Variants in SKIDA1 observed in about 807,000 individuals in gnomAD.
The protein encoded by SKIDA1 is SKI/DACH domain containing 1, also known as SKI/DACH domain-containing protein 1.
SKIDA1 carries 18 observed loss-of-function variants against 51.4 expected under a neutral mutation model. The observed-to-expected ratio is 0.35, with a 90% CI of 0.24 to 0.52. SKIDA1 has a LOEUF of 0.52. Among genes scored for constraint, SKIDA1 ranks in the 20% least tolerant of loss-of-function variants. The pLI is 0.95. For missense variants in SKIDA1, 1,104 were observed against 1,180.6 expected, an observed-to-expected ratio of 0.94 and a Z score of 0.95; for synonymous variants, 579 against 500.5, an observed-to-expected ratio of 1.16 and a Z score of -2.09.
At chr10:21,522,267 C>CCT (rs1252089516) in intron 2 of SKIDA1, among the ~76,000 whole-genome samples, 1 of 6,670 alleles carries the variant, frequency 1.5e-4, no homozygotes, top group African/African-American at 6.9e-4. Flanking sequence ...ATCACAGCCA[C>CCT]CCCCCCCCCC....
rs770245459 is a variant in SKIDA1 at position 21,515,252 on chromosome 10, A to G, written c.2571T>C (p.Ile857=). The G allele has an allele frequency of 6.2e-7, 1 of 1,613,934 alleles. No homozygotes were observed. Among genetic ancestry groups the G allele is most frequent in the Admixed American group, 1.7e-5 (1 of 60,022 alleles). ...GCCACAAATCCCCATCTCTCCCAAT[A>G]ATGAGTGATGGTGGACAAGGAAAAT... ...MANFPCPPSL[I]IGRDGDLWPA... is the part of the protein sequence containing the mutation. The change falls in exon 4 of 4, where the codon ATT becomes ATC. Residue 857 remains isoleucine (I), a synonymous_variant. Transcript: ENST00000449193.
In SKIDA1 at chr10:21,516,305, G is replaced by C. The variant is rs1475802161; in HGVS notation, c.1518C>G (p.Pro506=). ...CCGCTTTGACACTACTCTTGAGGTC[G>C]GGAAGTCTGCCGGCATCCTCGAAAG... ...PAAFEDAGRL[P]DLKSSVKAES... is the part of the protein sequence containing the mutation. The change falls in exon 4 of 4, where the codon CCC becomes CCG. Residue 506 remains proline (P), a synonymous_variant. Coordinates refer to ENST00000449193, the MANE Select transcript of SKIDA1 (RefSeq NM_207371.4). The surrounding 1 kb of genome is among the most constrained non-coding windows in gnomAD (Gnocchi z 5.7). The C allele has an allele frequency of 1.2e-6, 2 of 1,613,782 alleles. No individual in the cohort carries two copies. The highest frequency in any genetic ancestry group is 1.7e-6 in the Non-Finnish European group (2 of 1,179,904).
In SKIDA1 at chr10:21,514,504, A is replaced by C. The variant is rs1286334789; in HGVS notation, c.*592T>G. The C allele has an allele frequency of 6.6e-6, 1 of 152,252 alleles. No homozygotes were observed. Among genetic ancestry groups the C allele is most frequent in the Non-Finnish European group, 1.5e-5 (1 of 68,002 alleles). The allele number at this position is 152,252 out of a possible 1,614,324, so 9.4% of individuals were successfully genotyped here. On this transcript the variant is annotated 3_prime_UTR_variant, in exon 4 of 4. Transcript: ENST00000449193. ...CCAATCTTTCCACTAAAAAAAAAAAAAAAAAGTTAAGTGCAACTACTCTTG... is the reference window on the plus strand; with the variant it reads ...CCAATCTTTCCACTAAAAAAAAAAACAAAAAGTTAAGTGCAACTACTCTTG...
At chr10:21,522,292 G>A (rs1003309056) in intron 2 of SKIDA1, among the ~76,000 whole-genome samples, 13 of 20,556 alleles carry the variant, frequency 6.3e-4, no homozygotes, top group Middle Eastern at 0.029. Flanking sequence ...CCCCCCCCCC[G>A]CCACCAGCTC....
Position 21,518,409 on chromosome 10 carries a change from C to G in SKIDA1, c.-587G>C, listed in dbSNP as rs1229981371. 1 of 167,020 alleles carries G rather than the reference C, an allele frequency of 6.0e-6. No individual in the cohort carries two copies. Among genetic ancestry groups the G allele is most frequent in the Non-Finnish European group, 1.5e-5 (1 of 68,192 alleles). The allele number at this position is 167,020 out of a possible 1,614,324, so 10.3% of individuals were successfully genotyped here. On this transcript the variant is annotated 5_prime_UTR_variant, in exon 4 of 4. Transcript: ENST00000449193. ...AAAATCTCCCACTAATTAGCATACC[C>G]TTATACTGCCACCTCCCCTCCCAAA...
In SKIDA1 at chr10:21,516,265, A is replaced by T. The variant is rs748971041; in HGVS notation, c.1558T>A (p.Trp520Arg). Residue 520 changes from tryptophan (W) to arginine (R), a missense_variant, in exon 4 of 4, where the codon TGG becomes AGG. Trp to Arg is a moderately radical substitution (Grantham distance 101). Transcript: ENST00000449193. This position sits in a 1 kb window ranked among gnomAD's most constrained non-coding sequence, Gnocchi z 5.7. ...SSVKAESPAE[W>R]NLQSWAPKAS... Reference sequence around the variant, plus strand: ...TTGGGGGCCCAGCTCTGCAGATTCCACTCCGCCGGCGACTCCGCTTTGACA... The same window carrying T: ...TTGGGGGCCCAGCTCTGCAGATTCCTCTCCGCCGGCGACTCCGCTTTGACA... 10 of 1,613,620 alleles carry T rather than the reference A, an allele frequency of 6.2e-6. No individual in the cohort carries two copies. In the African/African-American group the frequency reaches 1.2e-4, roughly 19 times the overall value.
At position 21,516,537 on chromosome 10, in the gene SKIDA1, C is replaced by CCCTCCTCCT. The variant is rs112207161; in HGVS notation, c.1277_1285dup (p.Glu426_Glu428dup). 6.0e-5 allele frequency: 89 copies of CCCTCCTCCT among 1,489,364 alleles called. No individual in the cohort carries two copies. The highest frequency in any genetic ancestry group is 4.2e-4 in the Middle Eastern group (2 of 4,758). 92.3% of individuals were successfully genotyped at this position (1,489,364 alleles called of 1,614,324 possible). A position where few individuals can be genotyped will look rare whatever the true frequency, so the allele number is the denominator to read the frequency against. On this transcript the variant is annotated inframe_insertion, in exon 4 of 4. Transcript: ENST00000449193. This position sits in a 1 kb window ranked among gnomAD's most constrained non-coding sequence, Gnocchi z 5.7. Reference sequence around the variant, plus strand: ...ACTGGAATCCGAGGCCCCGCTGCCCCCCTCCTCCTCCTCTTCCTCCTCCTC... The same window carrying CCCTCCTCCT: ...ACTGGAATCCGAGGCCCCGCTGCCCCCCTCCTCCTCCTCCTCCTCCTCTTCCTCCTCCTC...
chr10:21,516,918 T>C lies in SKIDA1; in HGVS notation c.905A>G (p.Lys302Arg). The C allele has an allele frequency of 8.9e-7, 1 of 1,117,454 alleles. No homozygotes were observed. Among genetic ancestry groups the C allele is most frequent in the Non-Finnish European group, 1.1e-6 (1 of 921,754 alleles). The allele number at this position is 1,117,454 out of a possible 1,614,324, so 69.2% of individuals were successfully genotyped here. Residue 302 changes from lysine to arginine, a missense_variant, in exon 4 of 4, where the codon AAG (lysine) becomes AGG (arginine). By Grantham distance (26) the Lys-to-Arg change is conservative. Transcript: ENST00000449193. The surrounding 1 kb of genome is among the most constrained non-coding windows in gnomAD (Gnocchi z 5.7). Reference protein sequence around the residue: ...LLLLPRSYKAKAAAAAAAAAA... With the variant: ...LLLLPRSYKARAAAAAAAAAA... ...CGCCGCCGCCGCCGCCGCCGCCGCC[T>C]TGGCTTTGTAGGACCTGGGCAACAG...
At position 21,514,962 on chromosome 10, in the gene SKIDA1, TTCTG is replaced by T; in HGVS notation, c.*130_*133del. ...CGCAACGGAAAAAAAGTAATCCGAT[TTCTG>T]TCTTCAAAATGCGATAAACCAGGAC... On this transcript the variant is annotated 3_prime_UTR_variant, in exon 4 of 4. Coordinates refer to ENST00000449193, the MANE Select transcript of SKIDA1 (RefSeq NM_207371.4). The T allele has an allele frequency of 1.0e-6, 1 of 961,324 alleles. No individual in the cohort carries two copies. The highest frequency in any genetic ancestry group is 1.3e-6 in the Non-Finnish European group (1 of 799,474). 59.5% of individuals were successfully genotyped at this position (961,324 alleles called of 1,614,324 possible). A position where few individuals can be genotyped will look rare whatever the true frequency, so the allele number is the denominator to read the frequency against.
At chr10:21,523,275 C>T (rs898638402) in intron 2 of SKIDA1, among the ~76,000 whole-genome samples, 1 of 152,160 alleles carries the variant, frequency 6.6e-6, no homozygotes, top group Non-Finnish European at 1.5e-5. Flanking sequence ...GGCACATTCC[C>T]TTATCTTTCC....
In SKIDA1 at chr10:21,516,890, TGCCGCCGCCGCCGCCGCC is replaced by T; in HGVS notation, c.915_932del (p.Ala313_Ala318del). The T allele has an allele frequency of 3.3e-6, 4 of 1,195,490 alleles. 1 individual carries two copies. The highest frequency in any genetic ancestry group is 4.1e-6 in the Non-Finnish European group (4 of 968,002). 74.1% of individuals were successfully genotyped at this position (1,195,490 alleles called of 1,614,324 possible). On this transcript the variant is annotated inframe_deletion, in exon 4 of 4. Transcript: ENST00000449193. The surrounding 1 kb of genome is among the most constrained non-coding windows in gnomAD (Gnocchi z 5.7). Reference sequence around the variant, plus strand: ...CCCCCGCGGCGGCCGCCGCCGCCGCTGCCGCCGCCGCCGCCGCCGCCGCCGCCTTGGCTTTGTAGGACC... The same window carrying T: ...CCCCCGCGGCGGCCGCCGCCGCCGCTGCCGCCGCCTTGGCTTTGTAGGACC...
intron 2 of SKIDA1, among the ~76,000 whole-genome samples, chr10:21,522,905 G>A (rs962813147): frequency 6.6e-6 from 1 of 152,074 alleles, no homozygotes; most frequent in Non-Finnish European, 1.5e-5. Context: ...GGAGGTAAAG[G>A]GGTTTTTGTG....
Position 21,516,961 on chromosome 10 carries a change from C to G in SKIDA1, c.862G>C (p.Gly288Arg). The change falls in exon 4 of 4, where the codon GGC (glycine) becomes CGC (arginine). Residue 288 changes from glycine (G) to arginine (R), a missense_variant. Transcript: ENST00000449193. This position sits in a 1 kb window ranked among gnomAD's most constrained non-coding sequence, Gnocchi z 5.7. ...AKDCLLAPHA[G>R]ARRLLLLPRS... is the part of the protein sequence containing the mutation. ...GGCAACAGCAGCAGGCGCCGCGCGC[C>G]GGCGTGAGGCGCGAGCAGGCAGTCC... is the stretch of plus-strand genomic sequence containing the variant. The G allele has an allele frequency of 1.1e-5, 13 of 1,155,606 alleles. No individual in the cohort carries two copies. The highest frequency in any genetic ancestry group is 1.4e-5 in the Non-Finnish European group (13 of 934,902). The allele number at this position is 1,155,606 out of a possible 1,614,324, so 71.6% of individuals were successfully genotyped here. A position where few individuals can be genotyped will look rare whatever the true frequency, so the allele number is the denominator to read the frequency against.
intron 3 of SKIDA1, among the ~76,000 whole-genome samples, chr10:21,520,408 C>T (rs537050050): frequency 6.6e-6 from 1 of 152,234 alleles, no homozygotes; most frequent in Admixed American, 6.5e-5. Flanking sequence ...TTGCCAGCAA[C>T]AATAATGTCG....
At chr10:21,521,158 C>G (rs994148334) in intron 3 of SKIDA1, among the ~76,000 whole-genome samples, 1 of 151,936 alleles carries the variant, frequency 6.6e-6, no homozygotes, top group African/African-American at 2.4e-5. Context: ...CTTCTCCAGG[C>G]ACATTGGGGG....
Position 21,514,545 on chromosome 10 carries a change from G to T in SKIDA1, c.*551C>A, listed in dbSNP as rs1008472320. The T allele has an allele frequency of 6.6e-6, 1 of 151,540 alleles. No individual in the cohort carries two copies. Among genetic ancestry groups the T allele is most frequent in the African/African-American group, 2.4e-5 (1 of 41,094 alleles). 9.4% of individuals were successfully genotyped at this position (151,540 alleles called of 1,614,324 possible). ...ACTACTCTTGGAGAGGGAATAAGGG[G>T]AGTCAAAAGAAAAAGATACCCCACA... On this transcript the variant is annotated 3_prime_UTR_variant, in exon 4 of 4. Coordinates refer to ENST00000449193, the MANE Select transcript of SKIDA1 (RefSeq NM_207371.4).
At position 21,525,630 on chromosome 10, in the gene SKIDA1, A is replaced by C. The variant is rs577198432; in HGVS notation, c.-2201T>G. The C allele has an allele frequency of 6.6e-6, 1 of 152,512 alleles. No homozygotes were observed. Among genetic ancestry groups the C allele is most frequent in the East Asian group, 1.9e-4 (1 of 5,168 alleles). The allele number at this position is 152,512 out of a possible 1,614,324, so 9.4% of individuals were successfully genotyped here. Reference sequence around the variant, plus strand: ...GAACCGCAGCAAGAGGAAGGGGAGGAGAGAGGAGAGGGAGGAGTAAATTCA... The same window carrying C: ...GAACCGCAGCAAGAGGAAGGGGAGGCGAGAGGAGAGGGAGGAGTAAATTCA... On this transcript the variant is annotated 5_prime_UTR_variant, in exon 1 of 4. Transcript: ENST00000449193.
chr10:21,522,022 A>T (rs1022739415), intron 2 of SKIDA1, among the ~76,000 whole-genome samples: 2 of 152,176 alleles, frequency 1.3e-5, no homozygotes, highest in African/African-American at 4.8e-5. Context: ...TTTCCTCTGG[A>T]GCGAAGTAAT....
At chr10:21,523,634 G>A (rs2032507267) in intron 2 of SKIDA1, 49 bp downstream of exon 2, 2 of 152,128 alleles carry the variant, frequency 1.3e-5, no homozygotes, top group South Asian at 2.1e-4. Context: ...TTTACACAAG[G>A]GCCAAACATA....
Sources: allele counts gnomAD v4.1 joint callset (sites outside exome capture counted in the v4.1 genomes callset), GRCh38; gene constraint gnomAD v4.1.1; non-coding constraint Gnocchi (gnomAD v3.1); transcripts MANE v1.5; gene names NCBI Gene and HGNC (gene_info 2026-07-23, HGNC 2026-07-21).